WDR33: variants seen among roughly 807,000 people sequenced by gnomAD.
WDR33 encodes WD repeat domain 33.
WDR33 carries 47 observed loss-of-function variants against 164.9 expected under a neutral mutation model. That is an observed-to-expected ratio of 0.29 (90% CI 0.23 to 0.36). The LOEUF is 0.36. Among genes scored for constraint, WDR33 ranks in the 10% least tolerant of loss-of-function variants. WDR33 has a pLI of 1.00. For missense variants in WDR33, 1,137 were observed against 1,754.1 expected (o/e 0.65, Z 6.28); for synonymous variants, 505 against 589.0 (o/e 0.86, Z 2.06).
Position 127,735,037 on chromosome 2 carries a change from A to G in WDR33, c.725-8260T>C, listed in dbSNP as rs1480708602. Among the ~76,000 whole-genome samples the G allele has an allele frequency of 6.6e-6, 1 of 152,240 alleles. No individual in the cohort carries two copies. Among genetic ancestry groups the G allele is most frequent in the Non-Finnish European group, 1.5e-5 (1 of 68,034 alleles). ...TAACATGATAAATGGATTAGGTATT[A>G]GATATTTGGTGAACAGACATTCTAG... is the stretch of plus-strand genomic sequence containing the variant. On this transcript the variant is annotated intron_variant, in intron 7 of 21. Transcript: ENST00000322313. The surrounding 1 kb of genome is among the most constrained non-coding windows in gnomAD (Gnocchi z 4.3).
chr2:127,795,245 C>T (rs139620967), intron 1 of WDR33, among the ~76,000 whole-genome samples: 1,606 of 151,598 alleles, frequency 0.011, 20 homozygotes, highest in Non-Finnish European at 0.016. Context: ...AGACTACAGG[C>T]GTGTACCACC....
At position 127,721,316 on chromosome 2, in the gene WDR33, C is replaced by T. The variant is rs1686433060; in HGVS notation, c.1671+520G>A. Among the ~76,000 whole-genome samples the T allele has an allele frequency of 6.6e-6, 1 of 152,136 alleles. No individual in the cohort carries two copies. The highest frequency in any genetic ancestry group is 2.4e-5 in the African/African-American group (1 of 41,428). On this transcript the variant is annotated intron_variant, in intron 15 of 21. Coordinates refer to ENST00000322313, the MANE Select transcript of WDR33 (RefSeq NM_018383.5). The surrounding 1 kb of genome is among the most constrained non-coding windows in gnomAD (Gnocchi z 4.9). The stretch of plus-strand genomic sequence containing the variant: ...AGAGGTGGGGTTTCACCATGTTGAC[C>T]ATGCTGGTCTCAAACTCCTGATCTC...
In WDR33 at chr2:127,722,450, G is replaced by GAAC; in HGVS notation, c.1518+138_1518+140dup. On this transcript the variant is annotated intron_variant, in intron 14 of 21. Transcript: ENST00000322313. The surrounding 1 kb of genome is among the most constrained non-coding windows in gnomAD (Gnocchi z 5.1). ...AATACAACTGCAAAGCAGTAGATGA[G>GAAC]AACCATGTCTAAGAGTACGTGAACA... 8.5e-7 allele frequency: 1 copy of GAAC among 1,182,296 alleles called. No homozygotes were observed. Among genetic ancestry groups the GAAC allele is most frequent in the South Asian group, 1.6e-5 (1 of 61,736 alleles). 73.2% of individuals were successfully genotyped at this position (1,182,296 alleles called of 1,614,324 possible).
At chr2:127,752,680 T>C (rs1336299835) in intron 7 of WDR33, among the ~76,000 whole-genome samples, 2 of 151,756 alleles carry the variant, frequency 1.3e-5, no homozygotes, top group Admixed American at 1.3e-4. Flanking sequence ...GACTACTCAC[T>C]GTCAATGTAA....
In WDR33 at chr2:127,712,263, G is replaced by T. The variant is rs1686200101; in HGVS notation, c.3308+1320C>A. Among the ~76,000 whole-genome samples, 1 of 152,138 alleles carries T rather than the reference G, an allele frequency of 6.6e-6. No individual in the cohort carries two copies. Among genetic ancestry groups the T allele is most frequent in the Admixed American group, 6.5e-5 (1 of 15,278 alleles). Reference sequence around the variant, plus strand: ...AATACAAAAATTAGCCAGGCAAGGTGGTGTGAGCCTGTATCCCAGCTCCTC... The same window carrying T: ...AATACAAAAATTAGCCAGGCAAGGTTGTGTGAGCCTGTATCCCAGCTCCTC... On this transcript the variant is annotated intron_variant, in intron 18 of 21. Transcript: ENST00000322313. This position sits in a 1 kb window ranked among gnomAD's most constrained non-coding sequence, Gnocchi z 4.0.
In WDR33 at chr2:127,719,172, C is replaced by G; in HGVS notation, c.2760+93G>C. 1 of 1,304,224 alleles carries G rather than the reference C, an allele frequency of 7.7e-7. No homozygotes were observed. The highest frequency in any genetic ancestry group is 9.8e-7 in the Non-Finnish European group (1 of 1,021,282). 80.8% of individuals were successfully genotyped at this position (1,304,224 alleles called of 1,614,324 possible). On this transcript the variant is annotated intron_variant, in intron 16 of 21. Coordinates refer to ENST00000322313, the MANE Select transcript of WDR33 (RefSeq NM_018383.5). This position sits in a 1 kb window ranked among gnomAD's most constrained non-coding sequence, Gnocchi z 6.5. ...GTCACTACTTGATAAGTATTTATAT[C>G]CAGCTGTGACCATTTTCCACAATAC...
chr2:127,718,556 G>A lies in WDR33; in HGVS notation c.2760+709C>T, dbSNP rs569885930. On this transcript the variant is annotated intron_variant, in intron 16 of 21. Coordinates refer to ENST00000322313, the MANE Select transcript of WDR33 (RefSeq NM_018383.5). This position sits in a 1 kb window ranked among gnomAD's most constrained non-coding sequence, Gnocchi z 4.4. ...TCTCTCAAGCACGAGCTCAGCGCATGAGCAATAAAAATTGGCTAACAAAAA... is the reference window on the plus strand; with the variant it reads ...TCTCTCAAGCACGAGCTCAGCGCATAAGCAATAAAAATTGGCTAACAAAAA... 6.6e-6 allele frequency among the ~76,000 whole-genome samples: 1 copy of A among 152,230 alleles called. No individual in the cohort carries two copies. Among genetic ancestry groups the A allele is most frequent in the African/African-American group, 2.4e-5 (1 of 41,552 alleles).
At chr2:127,802,982 AAAAC>A (rs768321974) in intron 1 of WDR33, among the ~76,000 whole-genome samples, 5 of 152,136 alleles carry the variant, frequency 3.3e-5, no homozygotes, top group African/African-American at 4.8e-5. Flanking sequence ...TCTTGTCTCA[AAAAC>A]AAACAAACAA....
chr2:127,737,254 G>A, intron 7 of WDR33: 1 of 985,316 alleles, frequency 1.0e-6, no homozygotes, highest in Admixed American at 6.1e-5. Context: ...CAATATCATA[G>A]AGAACATCAG....
At chr2:127,751,337 A>T (rs1476209367) in intron 7 of WDR33, among the ~76,000 whole-genome samples, 29 of 150,328 alleles carry the variant, frequency 1.9e-4, no homozygotes, top group Admixed American at 1.9e-3. Flanking sequence ...CTCCAGCCTG[A>T]GTGACAGAGC....
intron 1 of WDR33, among the ~76,000 whole-genome samples, chr2:127,788,791 G>A (rs1159250068): frequency 1.4e-5 from 2 of 147,906 alleles, no homozygotes; most frequent in African/African-American, 2.5e-5. Flanking sequence ...CTGGCCGGGC[G>A]GGGGGTTGAC....
rs1250841842 is a variant in WDR33 at position 127,718,844 on chromosome 2, G to A, written c.2760+421C>T. Among the ~76,000 whole-genome samples the A allele has an allele frequency of 6.6e-6, 1 of 152,174 alleles. No individual in the cohort carries two copies. Among genetic ancestry groups the A allele is most frequent in the African/African-American group, 2.4e-5 (1 of 41,444 alleles). On this transcript the variant is annotated intron_variant, in intron 16 of 21. Coordinates refer to ENST00000322313, the MANE Select transcript of WDR33 (RefSeq NM_018383.5). This position sits in a 1 kb window ranked among gnomAD's most constrained non-coding sequence, Gnocchi z 4.4. ...GCAGACAGGAAGTGATTCTGTGGCT[G>A]GCAGGCCCATGGAACACCAGGCTGC...
chr2:127,790,775 T>TG (rs1297316703), intron 1 of WDR33, among the ~76,000 whole-genome samples: 1 of 152,064 alleles, frequency 6.6e-6, no homozygotes, highest in Non-Finnish European at 1.5e-5. Flanking sequence ...ACACCCAGCT[T>TG]GAATTCGATT....
chr2:127,804,486 AGCAGAGAAGT>A lies in WDR33; in HGVS notation c.-24+6516_-24+6525del, dbSNP rs530765965. ...ATTGCGGGTACTTAACTTGTTCTTG[AGCAGAGAAGT>A]GCGGAGAAGTGCATATCTGTGAATA... On this transcript the variant is annotated intron_variant, in intron 1 of 21. Transcript: ENST00000322313. 1.4e-3 allele frequency among the ~76,000 whole-genome samples: 208 copies of A among 152,280 alleles called. 4 individuals are homozygous for A. The highest frequency in any genetic ancestry group is 4.8e-3 in the African/African-American group (199 of 41,558).
intron 7 of WDR33, chr2:127,736,788 T>TAC (rs1417372143): frequency 1.0e-6 from 1 of 985,252 alleles, no homozygotes; most frequent in Non-Finnish European, 1.2e-6. Context: ...TAAAAACATA[T>TAC]ACAGGTATAA....
chr2:127,711,753 T>TATATATAG (rs1558919266), intron 18 of WDR33, among the ~76,000 whole-genome samples: 2 of 71,138 alleles, frequency 2.8e-5, no homozygotes, highest in African/African-American at 2.6e-4. Context: ...CATATACAGA[T>TATATATAG]ATATATATAT....
chr2:127,784,402 C>T (rs13403504), intron 1 of WDR33, among the ~76,000 whole-genome samples: 3,237 of 151,854 alleles, frequency 0.021, 126 homozygotes, highest in African/African-American at 0.075. Context: ...TTTTGTTTTT[C>T]GAGACAGGGT....
At chr2:127,761,229 C>A (rs991561662) in intron 7 of WDR33, among the ~76,000 whole-genome samples, 3 of 151,608 alleles carry the variant, frequency 2.0e-5, no homozygotes, top group Admixed American at 2.0e-4. Context: ...GAGACAGAGT[C>A]TCACTCTGTT....
intron 1 of WDR33, among the ~76,000 whole-genome samples, chr2:127,779,335 G>A (rs1007591955): frequency 3.3e-5 from 5 of 151,868 alleles, no homozygotes; most frequent in African/African-American, 4.8e-5. Context: ...GTGTGGTGGC[G>A]CACACCTGTA....
Sources: gnomAD v4.1 joint callset for allele counts (sites outside exome capture counted in the v4.1 genomes callset) on GRCh38, gnomAD v4.1.1 for gene constraint, Gnocchi (gnomAD v3.1) non-coding constraint, MANE v1.5 for transcripts, NCBI Gene and HGNC (gene_info 2026-07-23, HGNC 2026-07-21) for gene names.